MTCL2: variants seen among roughly 807,000 people sequenced by gnomAD.
MTCL2 encodes the protein microtubule cross-linking factor 2.
At chr20:36,797,811 A>G in the MTCL2 span, among the ~76,000 whole-genome samples, 1 of 152,246 alleles carries the variant, frequency 6.6e-6, no homozygotes, top group Non-Finnish European at 1.5e-5. Context: ...TATACCTAAT[A>G]TAGTAACAGC....
the MTCL2 span, chr20:36,859,873 C>T: frequency 8.9e-6 from 11 of 1,231,506 alleles, no homozygotes; most frequent in Non-Finnish European, 3.0e-6. Context: ...GAAAACACAT[C>T]AAGAGTCTAA....
chr20:36,844,400 A>AAAT, the MTCL2 span, among the ~76,000 whole-genome samples: 9 of 145,164 alleles, frequency 6.2e-5, no homozygotes, highest in Non-Finnish European at 1.2e-4. Context: ...TACAAAAAAA[A>AAAT]AATAATAATA....
At chr20:36,784,383 T>C in the MTCL2 span, 1 of 985,772 alleles carries the variant, frequency 1.0e-6, no homozygotes, top group Non-Finnish European at 1.2e-6. Context: ...GATGCAGGAC[T>C]TGGGGTAACT....
chr20:36,828,932 T>C, the MTCL2 span: 3 of 1,063,340 alleles, frequency 2.8e-6, no homozygotes, highest in Non-Finnish European at 3.9e-6. Flanking sequence ...TAAACAACCT[T>C]GCCAGGGAGG....
At chr20:36,862,612 C>T in the MTCL2 span, 2 of 1,452,006 alleles carry the variant, frequency 1.4e-6, no homozygotes, top group Non-Finnish European at 1.8e-6. Flanking sequence ...GGGACTGTGA[C>T]AGCCGGCGAC....
the MTCL2 span, chr20:36,794,552 C>T: frequency 6.2e-7 from 1 of 1,614,062 alleles, no homozygotes; most frequent in Non-Finnish European, 8.5e-7. The surrounding 1 kb of genome is among the most constrained non-coding windows in gnomAD (Gnocchi z 5.4). Context: ...GTAAGGGGAA[C>T]AGTCGAGCAA....
the MTCL2 span, among the ~76,000 whole-genome samples, chr20:36,818,795 G>GT: frequency 1.3e-5 from 2 of 152,152 alleles, no homozygotes; most frequent in African/African-American, 4.8e-5. Context: ...CCAACAAAGG[G>GT]TTGATATCCT....
the MTCL2 span, among the ~76,000 whole-genome samples, chr20:36,842,166 T>C: frequency 2.6e-5 from 4 of 152,314 alleles, no homozygotes; most frequent in African/African-American, 9.6e-5. Context: ...TGCAATTCTA[T>C]GTTTAATAGT....
chr20:36,835,882 C>T, the MTCL2 span, among the ~76,000 whole-genome samples: 1 of 152,214 alleles, frequency 6.6e-6, no homozygotes, highest in Non-Finnish European at 1.5e-5. Flanking sequence ...TCTAGCTCCA[C>T]CCACGGAGGC....
chr20:36,784,762 G>A, the MTCL2 span: 4 of 985,642 alleles, frequency 4.1e-6, no homozygotes, highest in Non-Finnish European at 3.6e-6. Flanking sequence ...CTGGGGCAGG[G>A]AGAAGAGCCG....
At chr20:36,858,879 C>T in the MTCL2 span, among the ~76,000 whole-genome samples, 1 of 152,270 alleles carries the variant, frequency 6.6e-6, no homozygotes, top group East Asian at 1.9e-4. Flanking sequence ...CAACTTCTGC[C>T]TCCCAGGGTC....
chr20:36,791,121 G>A, the MTCL2 span, among the ~76,000 whole-genome samples: 3 of 151,708 alleles, frequency 2.0e-5, no homozygotes, highest in Admixed American at 6.6e-5. Flanking sequence ...TGCAGCCTCC[G>A]CCTCCTGGGT....
At chr20:36,791,278 C>A in the MTCL2 span, among the ~76,000 whole-genome samples, 1 of 152,146 alleles carries the variant, frequency 6.6e-6, no homozygotes, top group Non-Finnish European at 1.5e-5. Context: ...TGTGATCCAC[C>A]CGCCTCGGCC....
chr20:36,849,060 C>CTT, the MTCL2 span, among the ~76,000 whole-genome samples: 105 of 62,236 alleles, frequency 1.7e-3, 12 homozygotes, highest in African/African-American at 5.8e-3. Context: ...AGTTGGTTTC[C>CTT]TTTTTTTTTT....
the MTCL2 span, among the ~76,000 whole-genome samples, chr20:36,849,601 A>C: frequency 6.6e-6 from 1 of 152,006 alleles, no homozygotes; most frequent in Non-Finnish European, 1.5e-5. Flanking sequence ...TGCCTGGCTG[A>C]ATGTTGTATT....
the MTCL2 span, among the ~76,000 whole-genome samples, chr20:36,789,845 C>CA: frequency 6.6e-6 from 1 of 152,018 alleles, no homozygotes; most frequent in Non-Finnish European, 1.5e-5. Context: ...ATTTTTGAGA[C>CA]AGAGTCTCAC....
chr20:36,799,494 AAAATAAAT>A, the MTCL2 span, among the ~76,000 whole-genome samples: 627 of 147,110 alleles, frequency 4.3e-3, 8 homozygotes, highest in African/African-American at 0.014. Flanking sequence ...CTCCATCTCA[AAAATAAAT>A]AAATAAATAA....
At chr20:36,822,485 T>C in the MTCL2 span, among the ~76,000 whole-genome samples, 1 of 152,356 alleles carries the variant, frequency 6.6e-6, no homozygotes, top group South Asian at 2.1e-4. Context: ...CATCTCCCTG[T>C]CTACAGGCTT....
At chr20:36,791,147 G>A in the MTCL2 span, among the ~76,000 whole-genome samples, 2 of 151,946 alleles carry the variant, frequency 1.3e-5, no homozygotes, top group South Asian at 4.2e-4. Context: ...CGATTCTCCT[G>A]CCTCAGCCTC....
Sources: allele counts gnomAD v4.1 joint callset (sites outside exome capture counted in the v4.1 genomes callset), GRCh38; gene constraint gnomAD v4.1.1; non-coding constraint Gnocchi (gnomAD v3.1); transcripts MANE v1.5; gene names NCBI Gene and HGNC (gene_info 2026-07-23, HGNC 2026-07-21).